STAMBP: variants seen among roughly 807,000 people sequenced by gnomAD.
The protein encoded by STAMBP is STAM binding protein.
A neutral mutation model predicts 50.7 loss-of-function variants in STAMBP; 31 were observed. The ratio of observed to expected loss-of-function variants is 0.61; its 90% CI spans 0.46 to 0.83. The LOEUF (loss-of-function observed/expected upper bound fraction) is 0.83, where lower values mean the gene tolerates loss of function less well. Among genes scored for constraint, STAMBP ranks in the 40% least tolerant of loss-of-function variants. STAMBP has a pLI of 0.00. For missense variants in STAMBP, 472 were observed against 518.9 expected (o/e 0.91, Z 0.88); for synonymous variants, 211 against 192.4 (o/e 1.10, Z -0.80).
At chr2:73,870,900 A>G (rs550021633), downstream of STAMBP, among the ~76,000 whole-genome samples, 11 of 152,098 alleles carry the variant, frequency 7.2e-5, no homozygotes, top group Non-Finnish European at 1.3e-4. Context: ...CCTAGTATAC[A>G]CCTTTCCCAT....
At chr2:73,829,706 G>C (rs1207487138) in intron 1 of STAMBP, among the ~76,000 whole-genome samples, 196 bp downstream of exon 1, 1 of 152,186 alleles carries the variant, frequency 6.6e-6, no homozygotes, top group Non-Finnish European at 1.5e-5. Flanking sequence ...GTGTTTTAGA[G>C]GGGAAGGTTT....
chr2:73,859,301 T>C lies in STAMBP; in HGVS notation c.1053T>C (p.Thr351=). Residue 351 remains threonine (T), a synonymous_variant, in exon 8 of 10, where the codon ACT becomes ACC. Coordinates refer to ENST00000394070, the MANE Select transcript of STAMBP (RefSeq NM_213622.4). Reference sequence around the variant, plus strand: ...TTCTCTCCAGTGTCGACCTACACACTCACTGCTCTTACCAGATGATGTTGC... The same window carrying C: ...TTCTCTCCAGTGTCGACCTACACACCCACTGCTCTTACCAGATGATGTTGC... ...TAFLSSVDLH[T]HCSYQMMLPE... 1 of 1,614,158 alleles carries C rather than the reference T, an allele frequency of 6.2e-7. No homozygotes were observed. Among genetic ancestry groups the C allele is most frequent in the South Asian group, 1.1e-5 (1 of 91,080 alleles).
chr2:73,840,356 G>C (rs1675230760), intron 2 of STAMBP, among the ~76,000 whole-genome samples: 1 of 125,320 alleles, frequency 8.0e-6, no homozygotes. Flanking sequence ...TTAAAACAAT[G>C]CTGTATTGAA....
intron 2 of STAMBP, among the ~76,000 whole-genome samples, chr2:73,842,462 A>C (rs933497231): frequency 1.3e-5 from 2 of 152,180 alleles, no homozygotes; most frequent in African/African-American, 4.8e-5. Flanking sequence ...AGCTGCTGGG[A>C]TGGACTCTGG....
In STAMBP at chr2:73,849,293, G is replaced by T; in HGVS notation, c.743-70G>T. 4 of 1,608,412 alleles carry T rather than the reference G, an allele frequency of 2.5e-6. No individual in the cohort carries two copies. The South Asian group carries it at 3.3e-5, about 13-fold the overall frequency. ...GGCTTAATGTTGCTCCTCCAGGGCT[G>T]CTGGCTGTGAGGTCTGCTTGAGGAG... On this transcript the variant is annotated intron_variant, in intron 5 of 9. Coordinates refer to ENST00000394070, the MANE Select transcript of STAMBP (RefSeq NM_213622.4).
chr2:73,845,822 G>T (rs1372235380), intron 4 of STAMBP, among the ~76,000 whole-genome samples: 1 of 152,094 alleles, frequency 6.6e-6, no homozygotes, highest in Non-Finnish European at 1.5e-5. Flanking sequence ...AGTAGAGATG[G>T]GGTTTCACCA....
chr2:73,873,266 G>A (rs1679270352), intron 10 of STAMBP: 1 of 152,346 alleles, frequency 6.6e-6, no homozygotes, highest in Admixed American at 6.5e-5. Flanking sequence ...GCAAGTGCCT[G>A]GGGTGCAGCT....
intron 7 of STAMBP, among the ~76,000 whole-genome samples, chr2:73,858,106 C>A (rs1489243860): frequency 6.6e-6 from 1 of 151,760 alleles, no homozygotes; most frequent in East Asian, 1.9e-4. Flanking sequence ...CCTCAACCTC[C>A]TAAGTAGCTG....
At chr2:73,837,584 CAAAAAAAAAAAAAA>C (rs56397494) in intron 2 of STAMBP, among the ~76,000 whole-genome samples, 4 of 40,914 alleles carry the variant, frequency 9.8e-5, no homozygotes, top group African/African-American at 2.4e-4. Flanking sequence ...GACTCCATCT[CAAAAAAAAAAAAAA>C]AAAAAAAAAA....
chr2:73,830,940 T>TG lies in STAMBP; in HGVS notation c.85dup (p.Glu29GlyfsTer14). On this transcript the variant is annotated frameshift_variant, in exon 2 of 10. Transcript: ENST00000394070. LOFTEE classifies it high-confidence loss of function. ...AGCTGGGTAGTGCGGTAGAGGTGAATGAAGACATTCCACCCCGTCGGTACT... is the reference window on the plus strand; with the variant it reads ...AGCTGGGTAGTGCGGTAGAGGTGAATGGAAGACATTCCACCCCGTCGGTACT... The TG allele has an allele frequency of 1.2e-6, 2 of 1,614,170 alleles. No homozygotes were observed. Among genetic ancestry groups the TG allele is most frequent in the Non-Finnish European group, 1.7e-6 (2 of 1,180,042 alleles).
chr2:73,863,169 CT>C lies in STAMBP; in HGVS notation c.*913del. ...TGCTTTTGGCTGAGGATAATGAAGCCTTTGTTTGGAGTACCAGGTTACACTC... is the reference window on the plus strand; with the variant it reads ...TGCTTTTGGCTGAGGATAATGAAGCCTTGTTTGGAGTACCAGGTTACACTC... On this transcript the variant is annotated 3_prime_UTR_variant, in exon 10 of 10. Transcript: ENST00000394070. The C allele has an allele frequency of 6.6e-6, 1 of 152,308 alleles. No homozygotes were observed. The highest frequency in any genetic ancestry group is 6.5e-5 in the Admixed American group (1 of 15,300). The allele number at this position is 152,308 out of a possible 1,614,324, so 9.4% of individuals were successfully genotyped here. A position where few individuals can be genotyped will look rare whatever the true frequency, so the allele number is the denominator to read the frequency against.
intron 2 of STAMBP, among the ~76,000 whole-genome samples, chr2:73,835,272 T>C (rs1442904924): frequency 2.0e-5 from 3 of 149,308 alleles, no homozygotes; most frequent in Middle Eastern, 3.2e-3. Context: ...GAGACTTGCA[T>C]GAACCCGGGA....
At chr2:73,858,438 C>A (rs963574151) in intron 7 of STAMBP, among the ~76,000 whole-genome samples, 1 of 151,912 alleles carries the variant, frequency 6.6e-6, no homozygotes, top group Non-Finnish European at 1.5e-5. Flanking sequence ...CCATGCCCAG[C>A]CTGTTTTTGT....
chr2:73,850,442 A>G lies in STAMBP; in HGVS notation c.934A>G (p.Asn312Asp). 1 of 1,614,002 alleles carries G rather than the reference A, an allele frequency of 6.2e-7. No individual in the cohort carries two copies. The highest frequency in any genetic ancestry group is 2.2e-5 in the East Asian group (1 of 44,878). The change falls in exon 7 of 10, where the codon AAC (asparagine) becomes GAC (aspartate). Residue 312 changes from asparagine (N) to aspartate (D), a missense_variant. By Grantham distance (23) the Asn-to-Asp change is conservative. Coordinates refer to ENST00000394070, the MANE Select transcript of STAMBP (RefSeq NM_213622.4). This position sits in a 1 kb window ranked among gnomAD's most constrained non-coding sequence, Gnocchi z 4.3. ...GCAAAGTGCTGGGTCTGATTACTGC[A>G]ACACAGAGAACGAAGAAGAACTTTT... ...PKQSAGSDYC[N>D]TENEEELFLI...
intron 7 of STAMBP, among the ~76,000 whole-genome samples, chr2:73,851,116 T>C (rs1676754319): frequency 6.6e-6 from 1 of 152,262 alleles, no homozygotes; most frequent in Non-Finnish European, 1.5e-5. Context: ...CTGCATTTTA[T>C]GCTGTATGAC....
At chr2:73,856,644 A>T (rs1303756062) in intron 7 of STAMBP, among the ~76,000 whole-genome samples, 1 of 152,224 alleles carries the variant, frequency 6.6e-6, no homozygotes, top group Admixed American at 6.5e-5. Context: ...GCCCATCATG[A>T]CAACCCCATT....
At chr2:73,869,083 G>A (rs971857897), downstream of STAMBP, among the ~76,000 whole-genome samples, 1 of 152,198 alleles carries the variant, frequency 6.6e-6, no homozygotes, top group Non-Finnish European at 1.5e-5. Flanking sequence ...CTACTGGAAA[G>A]CAGACAGGTT....
chr2:73,868,112 A>C (rs1302464119), downstream of STAMBP, among the ~76,000 whole-genome samples: 1 of 148,998 alleles, frequency 6.7e-6, no homozygotes, highest in Non-Finnish European at 1.5e-5. Flanking sequence ...CAACAAGAGC[A>C]AAACTCTGTC....
chr2:73,831,030 T>C lies in STAMBP; in HGVS notation c.174T>C (p.His58=), dbSNP rs1407014034. The C allele has an allele frequency of 6.2e-7, 1 of 1,614,224 alleles. No homozygotes were observed. ...SIYSEEGNIE[H]AFILYNKYIT... is the part of the protein sequence containing the mutation. ...ACTCTGAGGAAGGCAACATTGAACA[T>C]GCCTTCATCCTCTATAACAAGTATA... The change falls in exon 2 of 10, where the codon CAT becomes CAC. Residue 58 remains histidine, a synonymous_variant. Transcript: ENST00000394070.
Sources: gnomAD v4.1 joint callset for allele counts (sites outside exome capture counted in the v4.1 genomes callset) on GRCh38, gnomAD v4.1.1 for gene constraint, Gnocchi (gnomAD v3.1) non-coding constraint, MANE v1.5 for transcripts, NCBI Gene and HGNC (gene_info 2026-07-23, HGNC 2026-07-21) for gene names.